Variants in TCF20 observed in about 807,000 individuals in gnomAD.
The protein encoded by TCF20 is SPRE-binding protein.
In TCF20, 3 loss-of-function variants were observed where a neutral mutation model predicts 148.6. The observed-to-expected ratio is 0.02, with a 90% CI of 0.01 to 0.05. The LOEUF is 0.05. Ranked by LOEUF, TCF20 falls within the 10% of genes least tolerant of loss-of-function variation. The pLI is 1.00. For synonymous variants in TCF20, 1,049 were observed against 909.5 expected (o/e 1.15, Z -2.76); for missense variants, 2,350 against 2,429.3 (o/e 0.97, Z 0.69).
chr22:42,196,572 T>C (rs1462883243), intron 2 of TCF20, among the ~76,000 whole-genome samples: 3 of 152,092 alleles, frequency 2.0e-5, no homozygotes, highest in Admixed American at 1.3e-4. Flanking sequence ...AAAACAAAAA[T>C]AACTTTCAAG....
upstream of TCF20, among the ~76,000 whole-genome samples, chr22:42,285,591 G>A (rs942386940): frequency 1.3e-5 from 2 of 151,978 alleles, no homozygotes; most frequent in Admixed American, 6.6e-5. The surrounding 1 kb of genome is among the most constrained non-coding windows in gnomAD (Gnocchi z 4.2). Flanking sequence ...TAGAACAAAC[G>A]CCTTCATTCT....
chr22:42,207,039 C>T (rs1256320050), intron 2 of TCF20, among the ~76,000 whole-genome samples: 2 of 152,126 alleles, frequency 1.3e-5, no homozygotes, highest in Non-Finnish European at 2.9e-5. Flanking sequence ...AGTGGAGGAG[C>T]CCCCAGAAAG....
intron 3 of TCF20, among the ~76,000 whole-genome samples, chr22:42,176,910 G>A (rs577267963): frequency 2.7e-4 from 41 of 152,210 alleles, no homozygotes; most frequent in Non-Finnish European, 5.3e-4. Flanking sequence ...CTAGATGGGA[G>A]AAATAAGTTC....
Position 42,292,855 on chromosome 22 carries a change from G to A in TCF20, c.-37+50624C>T, listed in dbSNP as rs898603735. ...ACCGGGTCTCAGCTTGAGCGGCACA[G>A]ACACATGGCTGGTGTGACCCTTCCA... On this transcript the variant is annotated intron_variant, in intron 1 of 1. Coordinates refer to the TCF20 transcript ENST00000515426. The surrounding 1 kb of genome is among the most constrained non-coding windows in gnomAD (Gnocchi z 4.9). Among the ~76,000 whole-genome samples, 1 of 151,020 alleles carries A rather than the reference G, an allele frequency of 6.6e-6. No homozygotes were observed. The highest frequency in any genetic ancestry group is 1.5e-5 in the Non-Finnish European group (1 of 67,820).
chr22:42,257,498 C>A (rs115284250), intron 1 of TCF20, among the ~76,000 whole-genome samples: 1 of 152,072 alleles, frequency 6.6e-6, no homozygotes. Context: ...CTCTAATATA[C>A]GGCTAGAGAT....
chr22:42,165,255 A>T (rs567629057), intron 5 of TCF20, among the ~76,000 whole-genome samples: 1 of 152,254 alleles, frequency 6.6e-6, no homozygotes, highest in Non-Finnish European at 1.5e-5. Flanking sequence ...GTCCAGCTCC[A>T]GGGGCAGGGG....
In TCF20 at chr22:42,210,623, A is replaced by T; in HGVS notation, c.4683T>A (p.Pro1561=). 6.2e-7 allele frequency: 1 copy of T among 1,613,874 alleles called. No individual in the cohort carries two copies. The highest frequency in any genetic ancestry group is 8.5e-7 in the Non-Finnish European group (1 of 1,179,980). ...AACCTTCTGGTATCTGTGGGGGCTG[A>T]GGGGGTGGAGGCGGTGGCTGCTGCT... ...KKQQQPPPPP[P]QPPQIPEGSA... Residue 1561 remains proline, a synonymous_variant, in exon 2 of 6, where the codon CCT becomes CCA. Transcript: ENST00000677622. This position sits in a 1 kb window ranked among gnomAD's most constrained non-coding sequence, Gnocchi z 4.7.
Position 42,215,280 on chromosome 22 carries a change from C to G in TCF20, c.26G>C (p.Ser9Thr), listed in dbSNP as rs754779122. 1.9e-6 allele frequency: 3 copies of G among 1,613,840 alleles called. No homozygotes were observed. The highest frequency in any genetic ancestry group is 2.5e-6 in the Non-Finnish European group (3 of 1,179,860). Residue 9 changes from serine (S) to threonine (T), a missense_variant, in exon 2 of 6, where the codon AGT becomes ACT. By Grantham distance (58) the Ser-to-Thr change is moderately conservative. Coordinates refer to ENST00000677622, the MANE Select transcript of TCF20 (RefSeq NM_001378418.1). Reference protein sequence around the residue: MQSFREQSSYHGNQQSYPQ... With the variant: MQSFREQSTYHGNQQSYPQ... ...GTAGCTTTGCTGGTTTCCGTGGTAA[C>G]TGCTTTGCTCCCGAAAGGACTGCAT...
chr22:42,185,040 T>C (rs1002849513), intron 2 of TCF20, among the ~76,000 whole-genome samples: 15 of 152,208 alleles, frequency 9.9e-5, no homozygotes, highest in Non-Finnish European at 1.9e-4. Flanking sequence ...GGGAGCCTTC[T>C]CCAAGCCTGA....
chr22:42,222,041 TATGGCAAAGGTTTTA>T (rs1922426586), intron 1 of TCF20, among the ~76,000 whole-genome samples: 1 of 152,036 alleles, frequency 6.6e-6, no homozygotes, highest in Non-Finnish European at 1.5e-5. Flanking sequence ...CCCGGCCCCA[TATGGCAAAGGTTTTA>T]ATGACCATGC....
rs982853237 is a variant in TCF20, at chr22:42,322,744, G to A, written c.-37+20735C>T. ...TGTCTGAGTGAATGAATGAGTGCCCGAGGGAATGAATGAGTGTCTGAGTGA... is the reference window on the plus strand; with the variant it reads ...TGTCTGAGTGAATGAATGAGTGCCCAAGGGAATGAATGAGTGTCTGAGTGA... On this transcript the variant is annotated intron_variant, in intron 1 of 1. Transcript: ENST00000515426. 2.6e-5 allele frequency among the ~76,000 whole-genome samples: 4 copies of A among 151,668 alleles called. No individual in the cohort carries two copies. In the South Asian group the frequency reaches 6.2e-4, roughly 24 times the overall value.
At chr22:42,265,936 A>C (rs1452371413) in intron 1 of TCF20, among the ~76,000 whole-genome samples, 1 of 152,222 alleles carries the variant, frequency 6.6e-6, no homozygotes, top group African/African-American at 2.4e-5. Context: ...TTAAATCTCA[A>C]GTACACTGGC....
At chr22:42,195,847 C>T (rs1225025663) in intron 2 of TCF20, among the ~76,000 whole-genome samples, 1 of 152,182 alleles carries the variant, frequency 6.6e-6, no homozygotes, top group Non-Finnish European at 1.5e-5. Flanking sequence ...CATCCAAAGG[C>T]CCACCTCTTC....
chr22:42,329,903 A>C (rs1927942311), intron 1 of TCF20, among the ~76,000 whole-genome samples: 1 of 151,968 alleles, frequency 6.6e-6, no homozygotes, highest in Admixed American at 6.5e-5. Context: ...AGGTGGAGGG[A>C]GTATGAACTC....
rs768787052 is a variant in TCF20, at chr22:42,212,592, C to T, written c.2714G>A (p.Ser905Asn). The change falls in exon 2 of 6, where the codon AGT becomes AAT. Residue 905 changes from serine (S) to asparagine (N), a missense_variant. Coordinates refer to ENST00000677622, the MANE Select transcript of TCF20 (RefSeq NM_001378418.1). ...GRNDRLNPTL[S>N]QSVILPGGLV... ...ACCACCAGGAAGAATGACCGACTGA[C>T]TTAAAGTTGGATTGAGACGGTCATT... 1.9e-6 allele frequency: 3 copies of T among 1,614,148 alleles called. No homozygotes were observed. Among genetic ancestry groups the T allele is most frequent in the Admixed American group, 1.7e-5 (1 of 60,026 alleles).
chr22:42,184,436 G>A (rs1392916338), intron 2 of TCF20, among the ~76,000 whole-genome samples: 5 of 152,120 alleles, frequency 3.3e-5, no homozygotes, highest in African/African-American at 1.2e-4. Flanking sequence ...TCTTCCATGT[G>A]TAAGGTTTTC....
At chr22:42,271,526 T>C (rs939758103), upstream of TCF20, among the ~76,000 whole-genome samples, 1 of 152,292 alleles carries the variant, frequency 6.6e-6, no homozygotes, top group East Asian at 1.9e-4. Flanking sequence ...GCAACTAATA[T>C]GTAGATGTTG....
chr22:42,281,016 T>C (rs1926890383), intron 1 of TCF20, among the ~76,000 whole-genome samples: 5 of 152,094 alleles, frequency 3.3e-5, no homozygotes, highest in Admixed American at 3.3e-4. Flanking sequence ...GCCATCTCCG[T>C]TGGGGATAGG....
chr22:42,260,544 T>C (rs185609412), intron 1 of TCF20, among the ~76,000 whole-genome samples: 3 of 152,240 alleles, frequency 2.0e-5, no homozygotes, highest in African/African-American at 4.8e-5. Flanking sequence ...GAGATACATA[T>C]ATGTATATGG....
Sources: gnomAD v4.1 joint callset for allele counts (sites outside exome capture counted in the v4.1 genomes callset) on GRCh38, gnomAD v4.1.1 for gene constraint, Gnocchi (gnomAD v3.1) non-coding constraint, MANE v1.5 for transcripts, NCBI Gene and HGNC (gene_info 2026-07-23, HGNC 2026-07-21) for gene names.